NKAIN3: variants seen among roughly 807,000 people sequenced by gnomAD.
NKAIN3 encodes the protein sodium/potassium-transporting ATPase subunit beta-1-interacting protein 3.
NKAIN3 carries 25 observed loss-of-function variants against 30.2 expected under a neutral mutation model. That is an observed-to-expected ratio of 0.83 (90% CI 0.60 to 1.16). NKAIN3 has a LOEUF of 1.16. Among genes scored for constraint, NKAIN3 ranks in the 50% most tolerant of loss-of-function variants. The pLI, the probability that NKAIN3 is intolerant of heterozygous loss-of-function variation, is 0.00. For missense variants in NKAIN3, 225 were observed against 254.1 expected (o/e 0.89, Z 0.78); for synonymous variants, 91 against 89.6 (o/e 1.02, Z -0.09).
At chr8:62,752,477 G>A (rs550634366) in intron 4 of NKAIN3, among the ~76,000 whole-genome samples, 41 of 152,272 alleles carry the variant, frequency 2.7e-4, no homozygotes, top group African/African-American at 9.4e-4. Context: ...ATCCCTATTA[G>A]GAGGGCTGAA....
At chr8:62,952,889 A>T (rs1823323475) in intron 5 of NKAIN3, among the ~76,000 whole-genome samples, 1 of 152,296 alleles carries the variant, frequency 6.6e-6, no homozygotes, top group East Asian at 1.9e-4. Flanking sequence ...CCAGTTTTTA[A>T]TTGGAAAACT....
At chr8:62,497,894 G>A (rs1585873870) in intron 1 of NKAIN3, among the ~76,000 whole-genome samples, 1 of 152,104 alleles carries the variant, frequency 6.6e-6, no homozygotes, top group Non-Finnish European at 1.5e-5. Flanking sequence ...ATTAACGTTA[G>A]TAAGCCTGAT....
intron 1 of NKAIN3, among the ~76,000 whole-genome samples, chr8:62,340,606 C>A (rs1486917702): frequency 6.6e-6 from 1 of 151,918 alleles, no homozygotes; most frequent in East Asian, 1.9e-4. Flanking sequence ...CTCTGAGCTG[C>A]AGTAATGGCC....
At chr8:62,749,770 C>A (rs1816215992) in intron 4 of NKAIN3, among the ~76,000 whole-genome samples, 1 of 146,118 alleles carries the variant, frequency 6.8e-6, no homozygotes, top group Non-Finnish European at 1.5e-5. Context: ...GCAACCTCCG[C>A]TTCCCAGGTT....
intron 4 of NKAIN3, among the ~76,000 whole-genome samples, chr8:62,845,316 A>G (rs1458848425): frequency 6.7e-5 from 2 of 29,710 alleles, no homozygotes; most frequent in African/African-American, 1.8e-4. Context: ...TATATATAGT[A>G]CCTAATAGAG....
At chr8:62,526,721 A>G (rs1808314006) in intron 1 of NKAIN3, among the ~76,000 whole-genome samples, 2 of 152,172 alleles carry the variant, frequency 1.3e-5, no homozygotes, top group South Asian at 4.1e-4. Context: ...GAAGTGACAG[A>G]TAACTACCCA....
chr8:62,885,860 T>C (rs941393453), intron 4 of NKAIN3, among the ~76,000 whole-genome samples: 2 of 152,210 alleles, frequency 1.3e-5, no homozygotes, highest in Non-Finnish European at 2.9e-5. Context: ...TTACTTTTTA[T>C]CTGTATGTGT....
chr8:62,990,300 G>C (rs1163412477), intron 5 of NKAIN3: 16 of 1,428,426 alleles, frequency 1.1e-5, no homozygotes, highest in African/African-American at 1.4e-5. Flanking sequence ...TAAGAACTGA[G>C]GTGATGCATT....
chr8:62,278,881 T>C (rs2129395581), intron 1 of NKAIN3, among the ~76,000 whole-genome samples: 1 of 152,336 alleles, frequency 6.6e-6, no homozygotes, highest in Non-Finnish European at 1.5e-5. Context: ...TATAATCCTT[T>C]GGGTATATGC....
Position 62,361,272 on chromosome 8 carries a change from A to G in NKAIN3, c.54+112145A>G, listed in dbSNP as rs538802823. 1.6e-4 allele frequency among the ~76,000 whole-genome samples: 24 copies of G among 152,372 alleles called. No homozygotes were observed. The South Asian group carries it at 4.8e-3, about 30-fold the overall frequency. ...AACATTTTAGCAAATGCTCATTTCT[A>G]TATGACCTGATCTTATGTTTATGGA... On this transcript the variant is annotated intron_variant, in intron 1 of 6. Coordinates refer to ENST00000623646, the MANE Select transcript of NKAIN3 (RefSeq NM_001304533.3).
intron 3 of NKAIN3, among the ~76,000 whole-genome samples, chr8:62,745,822 A>T (rs1368212835): frequency 1.3e-5 from 2 of 152,160 alleles, no homozygotes; most frequent in East Asian, 3.9e-4. Flanking sequence ...ATAAGGAATG[A>T]TCAGGGCTTT....
chr8:62,722,674 A>G (rs929963461), intron 3 of NKAIN3, among the ~76,000 whole-genome samples: 1 of 152,182 alleles, frequency 6.6e-6, no homozygotes, highest in African/African-American at 2.4e-5. Flanking sequence ...ATGTAGCTAC[A>G]GTGGGCAGAT....
At chr8:62,286,533 A>G (rs1813384999) in intron 1 of NKAIN3, among the ~76,000 whole-genome samples, 1 of 152,208 alleles carries the variant, frequency 6.6e-6, no homozygotes, top group African/African-American at 2.4e-5. Flanking sequence ...TTAATACAAT[A>G]GGACTTGAAT....
intron 1 of NKAIN3, among the ~76,000 whole-genome samples, chr8:62,452,588 G>A (rs1444975568): frequency 1.3e-5 from 2 of 152,120 alleles, no homozygotes; most frequent in Non-Finnish European, 2.9e-5. Flanking sequence ...TATTGAAGGT[G>A]TTCTCTGGAA....
chr8:62,798,904 G>A (rs556199134), intron 4 of NKAIN3, among the ~76,000 whole-genome samples: 1 of 152,218 alleles, frequency 6.6e-6, no homozygotes, highest in East Asian at 1.9e-4. Flanking sequence ...CCACTAATTA[G>A]GATGGAAGAA....
At chr8:62,350,345 C>G (rs1182123064) in intron 1 of NKAIN3, among the ~76,000 whole-genome samples, 1 of 152,056 alleles carries the variant, frequency 6.6e-6, no homozygotes, top group South Asian at 2.1e-4. Flanking sequence ...AAACATTATA[C>G]TAAATGAAAT....
At chr8:62,595,758 G>A (rs565304938) in intron 3 of NKAIN3, among the ~76,000 whole-genome samples, 2 of 152,036 alleles carry the variant, frequency 1.3e-5, no homozygotes, top group South Asian at 2.1e-4. Context: ...GTTGAATTGG[G>A]GTGTAGTAGG....
At chr8:62,746,115 C>T (rs1816061047) in intron 3 of NKAIN3, among the ~76,000 whole-genome samples, 2 of 152,224 alleles carry the variant, frequency 1.3e-5, no homozygotes, top group African/African-American at 2.4e-5. Flanking sequence ...AAGGTCTTGG[C>T]AGGGCCAAAC....
At chr8:62,436,011 T>G (rs1279077700) in intron 1 of NKAIN3, among the ~76,000 whole-genome samples, 1 of 152,218 alleles carries the variant, frequency 6.6e-6, no homozygotes, top group Non-Finnish European at 1.5e-5. Flanking sequence ...CCCAATGTTT[T>G]CATATTCTGA....
Sources: allele counts gnomAD v4.1 joint callset (sites outside exome capture counted in the v4.1 genomes callset), GRCh38; gene constraint gnomAD v4.1.1; transcripts MANE v1.5; gene names NCBI Gene and HGNC (gene_info 2026-07-23, HGNC 2026-07-21).